MALRD1: variants seen among roughly 807,000 people sequenced by gnomAD.
MALRD1 encodes the protein MAM and LDL receptor class A domain containing 1.
MALRD1 carries 247 observed loss-of-function variants against 242.1 expected under a neutral mutation model. That is an observed-to-expected ratio of 1.02 (90% CI 0.92 to 1.13). The LOEUF is 1.13. Ranked by LOEUF, MALRD1 falls within the 50% of genes most tolerant of loss-of-function variation. The probability of loss-of-function intolerance (pLI) is 0.00; values close to 1 mark genes in which losing one functional copy is unlikely to be tolerated. For missense variants in MALRD1, 2,989 were observed against 2,533.1 expected (o/e 1.18, Z -3.86); for synonymous variants, 995 against 866.6 (o/e 1.15, Z -2.60).
intron 32 of MALRD1, among the ~76,000 whole-genome samples, chr10:19,549,041 T>C (rs1338304830): frequency 6.6e-6 from 1 of 152,130 alleles, no homozygotes; most frequent in Non-Finnish European, 1.5e-5. Context: ...AGTGCTAATA[T>C]GGAGAAGGTT....
chr10:19,330,625 C>T (rs757057521), intron 23 of MALRD1, among the ~76,000 whole-genome samples: 4 of 152,030 alleles, frequency 2.6e-5, no homozygotes, highest in Non-Finnish European at 5.9e-5. Context: ...GTTTTATGTA[C>T]CTGTGAAACA....
chr10:19,384,506 T>C (rs1312856701), intron 26 of MALRD1, among the ~76,000 whole-genome samples: 2 of 117,524 alleles, frequency 1.7e-5, no homozygotes, highest in African/African-American at 6.7e-5. Context: ...ATATTTACTA[T>C]ATATTATATA....
At chr10:19,697,501 C>G (rs1394738363) in intron 38 of MALRD1, among the ~76,000 whole-genome samples, 1 of 151,990 alleles carries the variant, frequency 6.6e-6, no homozygotes, top group African/African-American at 2.4e-5. Flanking sequence ...AGTGTCTGAC[C>G]AAACAATCGG....
intron 19 of MALRD1, among the ~76,000 whole-genome samples, chr10:19,273,998 A>G (rs1840381132): frequency 1.3e-5 from 2 of 152,202 alleles, no homozygotes. Context: ...GAGACTATAG[A>G]GAGATCAAAA....
At chr10:19,349,189 G>A (rs760568017) in intron 25 of MALRD1, among the ~76,000 whole-genome samples, 5 of 152,102 alleles carry the variant, frequency 3.3e-5, no homozygotes, top group South Asian at 2.1e-4. Flanking sequence ...TCGAACTCCT[G>A]ACCTCAGGTG....
At chr10:19,318,142 C>T (rs968953708) in intron 21 of MALRD1, among the ~76,000 whole-genome samples, 1 of 152,014 alleles carries the variant, frequency 6.6e-6, no homozygotes, top group Admixed American at 6.6e-5. Flanking sequence ...ATTTCCTCTG[C>T]AGGTTTATGC....
chr10:19,140,189 T>G (rs1174453290), intron 10 of MALRD1, among the ~76,000 whole-genome samples: 1 of 152,200 alleles, frequency 6.6e-6, no homozygotes, highest in Non-Finnish European at 1.5e-5. Context: ...AGAGAGCTGA[T>G]TAACTTCTGG....
chr10:19,482,660 C>CACACAA (rs1355179859), intron 29 of MALRD1, among the ~76,000 whole-genome samples: 36 of 149,550 alleles, frequency 2.4e-4, no homozygotes, highest in African/African-American at 8.4e-4. Context: ...GCTACACACA[C>CACACAA]ACACACACAC....
chr10:19,429,501 T>C (rs545503969), intron 28 of MALRD1, among the ~76,000 whole-genome samples: 4 of 151,946 alleles, frequency 2.6e-5, no homozygotes, highest in Admixed American at 1.3e-4. Flanking sequence ...GAGGTGGAGG[T>C]TGCGGTGAGC....
rs1335134256 is a variant in MALRD1 at position 19,692,292 on chromosome 10, G to A, written c.6148G>A (p.Gly2050Ser). 2 of 1,534,122 alleles carry A rather than the reference G, an allele frequency of 1.3e-6. No individual in the cohort carries two copies. The highest frequency in any genetic ancestry group is 2.0e-5 in the Admixed American group (1 of 50,896). ...KNGPMCRCRQ[G>S]WKGNRCHIKF... ...TTATCTCCTTTCCAGATGTAGACAAGGCTGGAAAGGAAATCGATGCCATAT... is the reference window on the plus strand; with the variant it reads ...TTATCTCCTTTCCAGATGTAGACAAAGCTGGAAAGGAAATCGATGCCATAT... The change falls in exon 37 of 40, where the codon GGC becomes AGC. Residue 2050 changes from glycine to serine, a missense_variant. Coordinates refer to ENST00000454679, the MANE Select transcript of MALRD1 (RefSeq NM_001142308.3).
chr10:19,373,708 C>T (rs1199494765), intron 26 of MALRD1, among the ~76,000 whole-genome samples: 3 of 152,166 alleles, frequency 2.0e-5, no homozygotes, highest in Non-Finnish European at 2.9e-5. Context: ...CTTCACTTTA[C>T]ATTGTCCTTG....
chr10:19,595,951 G>C (rs1322795361), intron 34 of MALRD1, among the ~76,000 whole-genome samples: 1 of 152,172 alleles, frequency 6.6e-6, no homozygotes. Flanking sequence ...GAGTTCATGG[G>C]ATAATGCATC....
At chr10:19,158,310 T>C (rs577880865) in intron 12 of MALRD1, among the ~76,000 whole-genome samples, 1 of 152,386 alleles carries the variant, frequency 6.6e-6, no homozygotes, top group South Asian at 2.1e-4. Flanking sequence ...TATGTTCATC[T>C]ATTGATCTTT....
rs540420787 is a variant in MALRD1 at position 19,109,316 on chromosome 10, T to C, written c.694+5241T>C. On this transcript the variant is annotated intron_variant, in intron 5 of 39. Coordinates refer to ENST00000454679, the MANE Select transcript of MALRD1 (RefSeq NM_001142308.3). ...CAGAAGTGTTGGGCTGTTTCGTGTA[T>C]TGAGGGTTTGTCAGGGCTGCTCCAC... Among the ~76,000 whole-genome samples, 4 of 152,200 alleles carry C rather than the reference T, an allele frequency of 2.6e-5. No homozygotes were observed. The South Asian group carries it at 6.2e-4, about 24-fold the overall frequency.
chr10:19,368,138 A>G (rs760530169), intron 26 of MALRD1, among the ~76,000 whole-genome samples: 1 of 151,580 alleles, frequency 6.6e-6, no homozygotes, highest in Non-Finnish European at 1.5e-5. Context: ...ACTTTGTTTT[A>G]TTTTTGTTTG....
At chr10:19,197,447 C>T (rs988785905) in intron 14 of MALRD1, among the ~76,000 whole-genome samples, 9 of 152,222 alleles carry the variant, frequency 5.9e-5, no homozygotes, top group Admixed American at 2.0e-4. Context: ...AAAATCATAG[C>T]CAAAAAAATT....
chr10:19,485,598 G>A (rs11010139), intron 29 of MALRD1, among the ~76,000 whole-genome samples: 36,272 of 150,938 alleles, frequency 0.24, 5,194 homozygotes, highest in East Asian at 0.4. Context: ...AGCCCAGATC[G>A]CGCCACTGCA....
At chr10:19,101,742 A>G (rs1294710233) in intron 4 of MALRD1, among the ~76,000 whole-genome samples, 3 of 136,134 alleles carry the variant, frequency 2.2e-5, no homozygotes, top group Non-Finnish European at 4.6e-5. Context: ...ATTATATCAC[A>G]TATATAATAT....
In MALRD1 at chr10:19,358,274, A is replaced by C. The variant is rs570573785; in HGVS notation, c.4441+5977A>C. 2.6e-5 allele frequency among the ~76,000 whole-genome samples: 4 copies of C among 151,018 alleles called. No homozygotes were observed. In the South Asian group the frequency reaches 8.4e-4, roughly 32 times the overall value. On this transcript the variant is annotated intron_variant, in intron 26 of 39. Coordinates refer to ENST00000454679, the MANE Select transcript of MALRD1 (RefSeq NM_001142308.3). ...AGCTACTTCCAAACAGGAGTTATTC[A>C]ATACATCTGTTTTGGGATATAACAT... is the stretch of plus-strand genomic sequence containing the variant.
Sources: allele counts gnomAD v4.1 joint callset (sites outside exome capture counted in the v4.1 genomes callset), GRCh38; gene constraint gnomAD v4.1.1; transcripts MANE v1.5; gene names NCBI Gene and HGNC (gene_info 2026-07-23, HGNC 2026-07-21).